CC2D2A: variants seen among roughly 807,000 people sequenced by gnomAD.
CC2D2A encodes coiled-coil and C2 domain containing 2A.
CC2D2A carries 155 observed loss-of-function variants against 212.9 expected under a neutral mutation model. The ratio of observed to expected loss-of-function variants is 0.73; its 90% confidence interval spans 0.64 to 0.83. The LOEUF (loss-of-function observed/expected upper bound fraction) is 0.83. CC2D2A is among the 40% of genes least tolerant of loss of function. CC2D2A has a pLI of 0.00. For missense variants in CC2D2A, 1,856 were observed against 1,956.2 expected (o/e 0.95, Z 0.97); for synonymous variants, 667 against 686.5 (o/e 0.97, Z 0.44).
In CC2D2A at chr4:15,527,576, T is replaced by C; in HGVS notation, c.1279T>C (p.Leu427=). The C allele has an allele frequency of 6.2e-7, 1 of 1,613,538 alleles. No individual in the cohort carries two copies. Among genetic ancestry groups the C allele is most frequent in the Non-Finnish European group, 8.5e-7 (1 of 1,179,670 alleles). Reference sequence around the variant, plus strand: ...TCCCTGTTTTAGCCGAGAGCATGTTTTGGCAGCCAAGCTGGCCCAGTTATA... The same window carrying C: ...TCCCTGTTTTAGCCGAGAGCATGTTCTGGCAGCCAAGCTGGCCCAGTTATA... ...HHPCFSREHV[L]AAKLAQLYDQ... Residue 427 remains leucine (L), a synonymous_variant, in exon 12 of 37, where the codon TTG becomes CTG. Transcript: ENST00000424120.
rs188903836 is a variant in CC2D2A at position 15,530,174 on chromosome 4, C to T, written c.1466+1448C>T. Among the ~76,000 whole-genome samples the T allele has an allele frequency of 3.6e-3, 543 of 152,104 alleles. 3 individuals carry two copies. The highest frequency in any genetic ancestry group is 6.8e-3 in the Middle Eastern group (2 of 294). On this transcript the variant is annotated intron_variant, in intron 13 of 36. Coordinates refer to ENST00000424120, the MANE Select transcript of CC2D2A (RefSeq NM_001378615.1). ...TTTTAGTAGAGACGGCGTTTCACCG[C>T]GTTAGCCAAGATGGTCTAGATCTCC... is the stretch of plus-strand genomic sequence containing the variant.
chr4:15,484,554 G>A (rs946198867), intron 4 of CC2D2A, among the ~76,000 whole-genome samples: 6 of 152,156 alleles, frequency 3.9e-5, no homozygotes, highest in Admixed American at 6.5e-5. Flanking sequence ...GGAGTTATTG[G>A]GGAATGGGAC....
At chr4:15,487,331 G>A (rs78486741) in intron 4 of CC2D2A, among the ~76,000 whole-genome samples, 3,316 of 152,092 alleles carry the variant, frequency 0.022, 119 homozygotes, top group African/African-American at 0.076. Context: ...CCAGTATTGG[G>A]TGCCTATGTA....
intron 1 of CC2D2A, among the ~76,000 whole-genome samples, chr4:15,472,359 G>T (rs1234803316): frequency 6.6e-6 from 1 of 152,176 alleles, no homozygotes; most frequent in African/African-American, 2.4e-5. Context: ...TTTTGATGTT[G>T]CCAGTAGGAA....
At position 15,601,271 on chromosome 4, in the gene CC2D2A, A is replaced by C; in HGVS notation, c.4709A>C (p.Glu1570Ala). 5 of 1,613,122 alleles carry C rather than the reference A, an allele frequency of 3.1e-6. No individual in the cohort carries two copies. The highest frequency in any genetic ancestry group is 4.2e-6 in the Non-Finnish European group (5 of 1,179,438). Residue 1570 changes from glutamate to alanine, a missense_variant, in exon 37 of 37, where the codon GAA (glutamate) becomes GCA (alanine). Glu to Ala is a moderately radical substitution (Grantham distance 107, BLOSUM62 -1). Transcript: ENST00000424120. The stretch of plus-strand genomic sequence containing the variant: ...TTTCCTCTTCACATGCCTTATTCTG[A>C]AGTGAAGCCTTTAATTGACGCTGTG... ...SGFPLHMPYSEVKPLIDAVYS... is the reference protein window; with the variant it reads ...SGFPLHMPYSAVKPLIDAVYS...
Position 15,538,067 on chromosome 4 carries a change from C to A in CC2D2A, c.1933C>A (p.Pro645Thr). 6.2e-7 allele frequency: 1 copy of A among 1,607,342 alleles called. No homozygotes were observed. Among genetic ancestry groups the A allele is most frequent in the Non-Finnish European group, 8.5e-7 (1 of 1,177,082 alleles). ...GAGAGCAGCCCAGAGCAGGAGGAGG[C>A]CTTGGGAGCCCACGCTGGTCCCGGA... The part of the protein sequence containing the change: ...RERAAQSRRR[P>T]WEPTLVPELS... The change falls in exon 16 of 37, where the codon CCT (proline) becomes ACT (threonine). Residue 645 changes from proline to threonine, a missense_variant. Pro to Thr is a conservative substitution (Grantham distance 38). Transcript: ENST00000424120.
At chr4:15,492,887 C>G in intron 4 of CC2D2A, 2 of 560,820 alleles carry the variant, frequency 3.6e-6, no homozygotes, top group Non-Finnish European at 6.8e-6. Flanking sequence ...TCGGAGAAGA[C>G]AGCCTGGGTG....
At chr4:15,574,423 G>C in intron 29 of CC2D2A, 97 bp downstream of exon 29, 1 of 887,888 alleles carries the variant, frequency 1.1e-6, no homozygotes, top group Non-Finnish European at 1.6e-6. Context: ...TACACAAACA[G>C]AGCCTTCCTT....
intron 22 of CC2D2A, 28 bp from the exon 23 acceptor site, chr4:15,560,502 AT>A: frequency 1.7e-6 from 2 of 1,183,486 alleles, no homozygotes; most frequent in Non-Finnish European, 2.5e-6. Flanking sequence ...AAATAATAAC[AT>A]TTTAAATAAG....
intron 24 of CC2D2A, among the ~76,000 whole-genome samples, chr4:15,567,156 A>T (rs185207137): frequency 6.7e-6 from 1 of 149,018 alleles, no homozygotes; most frequent in East Asian, 2.0e-4. Context: ...GGTGACTCAC[A>T]CCTGTAGTCC....
At chr4:15,563,761 A>G in intron 24 of CC2D2A, 1 of 499,442 alleles carries the variant, frequency 2.0e-6, no homozygotes, top group Non-Finnish European at 3.6e-6. Flanking sequence ...GTATAGCTGA[A>G]TTACAAGGGA....
In CC2D2A at chr4:15,510,201, G is replaced by C; in HGVS notation, c.501G>C (p.Lys167Asn). The C allele has an allele frequency of 6.2e-7, 1 of 1,613,226 alleles. No individual in the cohort carries two copies. Among genetic ancestry groups the C allele is most frequent in the Non-Finnish European group, 8.5e-7 (1 of 1,179,680 alleles). Residue 167 changes from lysine to asparagine, a missense_variant, in exon 7 of 37, where the codon AAG becomes AAC. By Grantham distance (94) the Lys-to-Asn change is moderately conservative. Coordinates refer to ENST00000424120, the MANE Select transcript of CC2D2A (RefSeq NM_001378615.1). ...ACTCCCAAAGTTACTCAAGAGTCAA[G>C]TTCCATGATTCTGCACGAAAAATCA... Reference protein sequence around the residue: ...EVDSQSYSRVKFHDSARKIKP... With the variant: ...EVDSQSYSRVNFHDSARKIKP...
intron 33 of CC2D2A, among the ~76,000 whole-genome samples, chr4:15,592,774 A>AC (rs1721167913): frequency 6.6e-6 from 1 of 152,100 alleles, no homozygotes; most frequent in East Asian, 1.9e-4. Context: ...CAGCCCCAGA[A>AC]CCTTTGTCTT....
intron 24 of CC2D2A, chr4:15,563,741 C>A: frequency 3.6e-6 from 2 of 550,276 alleles, no homozygotes; most frequent in South Asian, 4.8e-5. Flanking sequence ...TCAAATAACT[C>A]GGACAAGAGG....
chr4:15,530,010 C>T (rs994373887), intron 13 of CC2D2A, among the ~76,000 whole-genome samples: 3 of 151,234 alleles, frequency 2.0e-5, no homozygotes, highest in South Asian at 4.2e-4. Flanking sequence ...CTCACTCTGT[C>T]GCCCAGGCTG....
intron 6 of CC2D2A, among the ~76,000 whole-genome samples, chr4:15,506,002 TCTAGCTCAAGTTAGAAGAGGGC>T (rs554674490): frequency 1.3e-5 from 2 of 152,318 alleles, no homozygotes; most frequent in East Asian, 3.9e-4. Flanking sequence ...CTTTAATTGG[TCTAGCTCAAGTTAGAAGAGGGC>T]CTAGAGCCTT....
At chr4:15,481,634 A>T in intron 4 of CC2D2A, 1 of 253,454 alleles carries the variant, frequency 3.9e-6, no homozygotes, top group Non-Finnish European at 6.3e-6. Flanking sequence ...CTAAGGCCTC[A>T]CCAGAGGCAG....
chr4:15,511,141 G>C (rs1279989687), intron 7 of CC2D2A, 106 bp from the exon 8 acceptor site: 3 of 1,241,056 alleles, frequency 2.4e-6, no homozygotes, highest in Non-Finnish European at 3.3e-6. Context: ...TCGGAGGCCT[G>C]GAATATGCCT....
intron 33 of CC2D2A, among the ~76,000 whole-genome samples, chr4:15,590,728 A>G (rs1178320743): frequency 6.6e-6 from 1 of 152,156 alleles, no homozygotes; most frequent in Non-Finnish European, 1.5e-5. Flanking sequence ...CAACTCTTTA[A>G]TTATTTTTTT....
Sources: allele counts gnomAD v4.1 joint callset (sites outside exome capture counted in the v4.1 genomes callset), GRCh38; gene constraint gnomAD v4.1.1; transcripts MANE v1.5; gene names NCBI Gene and HGNC (gene_info 2026-07-23, HGNC 2026-07-21).